Variants in CAMK2D observed in about 807,000 individuals in gnomAD.
The protein encoded by CAMK2D is calcium/calmodulin dependent protein kinase II delta, also known as calcium/calmodulin-dependent protein kinase type II subunit delta.
A neutral mutation model predicts 84.0 loss-of-function variants in CAMK2D; 37 were observed. The observed-to-expected ratio is 0.44, with a 90% confidence interval of 0.34 to 0.58. CAMK2D has a LOEUF of 0.58. Ranked by LOEUF, CAMK2D falls within the 20% of genes least tolerant of loss-of-function variation. The probability of loss-of-function intolerance (pLI) is 0.02; values close to 1 mark genes in which losing one functional copy is unlikely to be tolerated. For synonymous variants in CAMK2D, 202 were observed against 212.5 expected (o/e 0.95, Z 0.43); for missense variants, 448 against 652.5 (o/e 0.69, Z 3.41).
At chr4:113,625,344 A>T (rs1157595273) in intron 3 of CAMK2D, among the ~76,000 whole-genome samples, 1 of 152,214 alleles carries the variant, frequency 6.6e-6, no homozygotes, top group Non-Finnish European at 1.5e-5. Flanking sequence ...AATATTAAGC[A>T]AATATGTAAA....
At chr4:113,465,663 C>A (rs529984703) in intron 16 of CAMK2D, 59 bp from the exon 17 acceptor site, 15 of 1,071,878 alleles carry the variant, frequency 1.4e-5, no homozygotes, top group South Asian at 1.3e-4. Flanking sequence ...ATTAAATATT[C>A]TTTTTCATTT....
At chr4:113,556,772 T>G (rs977808267) in intron 4 of CAMK2D, among the ~76,000 whole-genome samples, 1 of 152,124 alleles carries the variant, frequency 6.6e-6, no homozygotes, top group African/African-American at 2.4e-5. Context: ...TGGGTCTCCT[T>G]AGCACCATGT....
At chr4:113,590,038 TA>T (rs1591621503) in intron 4 of CAMK2D, among the ~76,000 whole-genome samples, 1 of 152,196 alleles carries the variant, frequency 6.6e-6, no homozygotes, top group East Asian at 1.9e-4. Context: ...TCAAAAGACT[TA>T]AAATATCTTG....
At chr4:113,520,119 T>C (rs1279967281) in intron 8 of CAMK2D, among the ~76,000 whole-genome samples, 2 of 94,790 alleles carry the variant, frequency 2.1e-5, no homozygotes, top group African/African-American at 7.0e-5. Flanking sequence ...GTGTTTGTTG[T>C]TCTAGGCCGG....
In CAMK2D at chr4:113,517,562, C is replaced by A; in HGVS notation, c.696+1G>T. On this transcript the variant is annotated splice_donor_variant, in intron 9 of 20. Transcript: ENST00000511664. LOFTEE classifies it high-confidence loss of function. ...AAGTGATATAAATAGTTATTACATA[C>A]ATCATAAGCTCCAGCCTTGATCTGC... 6.8e-7 allele frequency: 1 copy of A among 1,460,800 alleles called. No individual in the cohort carries two copies. The highest frequency in any genetic ancestry group is 1.2e-5 in the South Asian group (1 of 85,528). 90.5% of individuals were successfully genotyped at this position (1,460,800 alleles called of 1,614,324 possible).
At chr4:113,741,288 G>A (rs988569306) in intron 2 of CAMK2D, among the ~76,000 whole-genome samples, 2 of 152,128 alleles carry the variant, frequency 1.3e-5, no homozygotes, top group African/African-American at 2.4e-5. Flanking sequence ...TCTATGGTAA[G>A]AATAAATCTT....
chr4:113,513,461 T>TG (rs1219487183), intron 11 of CAMK2D, 91 bp from the exon 12 acceptor site: 3 of 863,862 alleles, frequency 3.5e-6, no homozygotes, highest in Admixed American at 4.0e-5. Flanking sequence ...AATCTTTTCC[T>TG]GGCCCTACTT....
intron 6 of CAMK2D, among the ~76,000 whole-genome samples, chr4:113,544,884 T>TCCCACCA (rs2098555673): frequency 6.6e-6 from 1 of 152,122 alleles, no homozygotes; most frequent in Non-Finnish European, 1.5e-5. Flanking sequence ...GATGCTGATA[T>TCCCACCA]CCCACCACCC....
intron 2 of CAMK2D, among the ~76,000 whole-genome samples, chr4:113,746,690 G>A (rs2099604854): frequency 6.6e-6 from 1 of 151,990 alleles, no homozygotes; most frequent in African/African-American, 2.4e-5. Flanking sequence ...AGAAAAGTAG[G>A]TCTCAATCCT....
intron 4 of CAMK2D, among the ~76,000 whole-genome samples, chr4:113,555,941 A>T (rs2098661581): frequency 6.6e-6 from 1 of 152,006 alleles, no homozygotes; most frequent in African/African-American, 2.4e-5. Context: ...CCGTGTAGAG[A>T]TATAAGAAAA....
At chr4:113,519,307 T>C (rs2098327203) in intron 8 of CAMK2D, among the ~76,000 whole-genome samples, 1 of 152,188 alleles carries the variant, frequency 6.6e-6, no homozygotes, top group East Asian at 1.9e-4. Context: ...CTGTTTGTCC[T>C]TATGAATTAT....
intron 4 of CAMK2D, among the ~76,000 whole-genome samples, chr4:113,590,878 ACAT>A (rs1261303267): frequency 2.0e-5 from 3 of 152,204 alleles, no homozygotes; most frequent in African/African-American, 7.2e-5. Flanking sequence ...ATACATGTAT[ACAT>A]CAAGAATGAA....
At chr4:113,548,245 C>G (rs2098598223) in intron 5 of CAMK2D, among the ~76,000 whole-genome samples, 2 of 152,182 alleles carry the variant, frequency 1.3e-5, no homozygotes, top group African/African-American at 4.8e-5. Context: ...TCATCAGACT[C>G]AAATGGAGCA....
chr4:113,488,401 G>A (rs2097786811), intron 16 of CAMK2D, among the ~76,000 whole-genome samples: 1 of 152,086 alleles, frequency 6.6e-6, no homozygotes. Context: ...TTGAATTTTT[G>A]CGTGAGTGGA....
At chr4:113,665,598 T>C (rs540440514) in intron 2 of CAMK2D, among the ~76,000 whole-genome samples, 2 of 152,356 alleles carry the variant, frequency 1.3e-5, no homozygotes, top group African/African-American at 4.8e-5. Context: ...TAATACTGTT[T>C]GGCACCATTT....
At chr4:113,506,270 T>C (rs1366461366) in intron 13 of CAMK2D, among the ~76,000 whole-genome samples, 1 of 152,170 alleles carries the variant, frequency 6.6e-6, no homozygotes, top group East Asian at 1.9e-4. Flanking sequence ...AATTTAAATA[T>C]GTAATATTTT....
chr4:113,661,893 A>G, intron 2 of CAMK2D, 121 bp from the exon 3 acceptor site: 1 of 592,608 alleles, frequency 1.7e-6, no homozygotes, highest in Non-Finnish European at 3.1e-6. Context: ...TCATTTTGAA[A>G]CAATGATAAT....
chr4:113,597,707 C>A (rs2098933588), intron 4 of CAMK2D, among the ~76,000 whole-genome samples: 1 of 152,230 alleles, frequency 6.6e-6, no homozygotes, highest in South Asian at 2.1e-4. Context: ...CACAACTCAG[C>A]TAACTGGCGC....
intron 7 of CAMK2D, among the ~76,000 whole-genome samples, chr4:113,537,119 C>T (rs2098498650): frequency 1.3e-5 from 2 of 152,252 alleles, no homozygotes; most frequent in East Asian, 3.9e-4. Context: ...AAGTGTATGT[C>T]TTCTTGTTCT....
Sources: gnomAD v4.1 joint callset for allele counts (sites outside exome capture counted in the v4.1 genomes callset) on GRCh38, gnomAD v4.1.1 for gene constraint, MANE v1.5 for transcripts, NCBI Gene and HGNC (gene_info 2026-07-23, HGNC 2026-07-21) for gene names.